The following CAMK1D variants were observed in gnomAD, a reference collection of about 807,000 sequenced individuals.
CAMK1D encodes calcium/calmodulin dependent protein kinase ID.
In CAMK1D, 9 loss-of-function variants were observed where a neutral mutation model predicts 47.7. The ratio of observed to expected loss-of-function variants is 0.19; its 90% CI spans 0.11 to 0.33. The LOEUF (loss-of-function observed/expected upper bound fraction) is 0.33. Ranked by LOEUF, CAMK1D falls within the 10% of genes least tolerant of loss-of-function variation. CAMK1D has a pLI of 1.00. For missense variants in CAMK1D, 291 were observed against 488.7 expected (o/e 0.60, Z 3.81); for synonymous variants, 184 against 184.9 (o/e 0.99, Z 0.04).
At chr10:12,728,145 G>C (rs1564520294) in intron 3 of CAMK1D, among the ~76,000 whole-genome samples, 5 of 152,214 alleles carry the variant, frequency 3.3e-5, no homozygotes, top group Admixed American at 3.3e-4. Context: ...CCATAGCACT[G>C]AGTTGCAATT....
intron 3 of CAMK1D, among the ~76,000 whole-genome samples, chr10:12,757,852 CTTTTTTTTTT>C (rs869125453): frequency 1.1e-5 from 1 of 91,458 alleles, no homozygotes; most frequent in Admixed American, 1.3e-4. Context: ...GGGCCCTGCT[CTTTTTTTTTT>C]TTTTTTTTTT....
intron 1 of CAMK1D, among the ~76,000 whole-genome samples, chr10:12,403,757 T>C (rs1404168489): frequency 6.6e-6 from 1 of 152,136 alleles, no homozygotes; most frequent in East Asian, 1.9e-4. Flanking sequence ...GTAACAACTA[T>C]ATTGTATAAT....
intron 1 of CAMK1D, among the ~76,000 whole-genome samples, chr10:12,366,355 A>G (rs1015444370): frequency 2.0e-5 from 3 of 152,116 alleles, no homozygotes; most frequent in Admixed American, 2.0e-4. Flanking sequence ...TAAAGAAGAC[A>G]GTAAGAATCA....
At chr10:12,756,165 A>G (rs1836218980) in intron 3 of CAMK1D, among the ~76,000 whole-genome samples, 1 of 152,222 alleles carries the variant, frequency 6.6e-6, no homozygotes, top group Non-Finnish European at 1.5e-5. Context: ...CTAGAATAGA[A>G]TGGATTATTG....
chr10:12,351,713 G>T (rs1275542965), intron 1 of CAMK1D, among the ~76,000 whole-genome samples: 1 of 152,218 alleles, frequency 6.6e-6, no homozygotes, highest in Admixed American at 6.5e-5. Context: ...ATGACTGTGG[G>T]TGGTTTCCAC....
chr10:12,494,960 T>C (rs1224787432), intron 1 of CAMK1D, among the ~76,000 whole-genome samples: 1 of 152,226 alleles, frequency 6.6e-6, no homozygotes, highest in Admixed American at 6.5e-5. Flanking sequence ...GATCTAGTGA[T>C]ACAGCTGATT....
intron 1 of CAMK1D, among the ~76,000 whole-genome samples, chr10:12,446,077 T>A (rs1564344617): frequency 1.3e-5 from 2 of 152,206 alleles, no homozygotes; most frequent in Admixed American, 6.5e-5. Flanking sequence ...CAATTATTAC[T>A]TCATCCTTCA....
At chr10:12,679,075 T>C (rs1307896802) in intron 3 of CAMK1D, among the ~76,000 whole-genome samples, 1 of 152,230 alleles carries the variant, frequency 6.6e-6, no homozygotes, top group Non-Finnish European at 1.5e-5. Flanking sequence ...AATTTTTGAC[T>C]TAAACATTTT....
chr10:12,350,950 C>A (rs180850120), intron 1 of CAMK1D, among the ~76,000 whole-genome samples: 51 of 152,086 alleles, frequency 3.4e-4, no homozygotes, highest in Non-Finnish European at 6.5e-4. Flanking sequence ...GGAGCTATTT[C>A]ATGGGATAAA....
chr10:12,355,053 G>A (rs576164010), intron 1 of CAMK1D, among the ~76,000 whole-genome samples: 135 of 151,682 alleles, frequency 8.9e-4, no homozygotes, highest in African/African-American at 3.1e-3. Context: ...GTGTTGCCCA[G>A]GCTGGTCTCA....
chr10:12,811,727 G>A (rs543206531), intron 6 of CAMK1D, among the ~76,000 whole-genome samples: 118 of 152,268 alleles, frequency 7.7e-4, no homozygotes, highest in African/African-American at 2.6e-3. Context: ...AAACACACAC[G>A]GTTGTAAATA....
intron 1 of CAMK1D, among the ~76,000 whole-genome samples, chr10:12,484,084 A>G (rs1834140971): frequency 6.6e-6 from 1 of 152,178 alleles, no homozygotes; most frequent in African/African-American, 2.4e-5. Context: ...CTGGACTCGT[A>G]GAAGGCAGGC....
At chr10:12,625,880 A>G (rs1359928666) in intron 2 of CAMK1D, among the ~76,000 whole-genome samples, 1 of 152,210 alleles carries the variant, frequency 6.6e-6, no homozygotes, top group Non-Finnish European at 1.5e-5. Flanking sequence ...GGCAAAAGCC[A>G]TGCACTTGTA....
At chr10:12,709,057 G>T (rs1052790024) in intron 3 of CAMK1D, among the ~76,000 whole-genome samples, 1 of 152,360 alleles carries the variant, frequency 6.6e-6, no homozygotes, top group South Asian at 2.1e-4. Context: ...TTTGGCAGAA[G>T]GTGGCTACCC....
At chr10:12,681,850 G>A (rs1339921587) in intron 3 of CAMK1D, among the ~76,000 whole-genome samples, 1 of 152,098 alleles carries the variant, frequency 6.6e-6, no homozygotes, top group Non-Finnish European at 1.5e-5. Flanking sequence ...AGTAATTATT[G>A]AAAACAAAAC....
intron 2 of CAMK1D, among the ~76,000 whole-genome samples, chr10:12,561,634 C>T (rs1452681820): frequency 1.3e-5 from 2 of 152,108 alleles, no homozygotes; most frequent in Non-Finnish European, 2.9e-5. Flanking sequence ...ATTTGGTGAT[C>T]GTTGTTTATT....
intron 6 of CAMK1D, among the ~76,000 whole-genome samples, chr10:12,805,431 C>T (rs554373276): frequency 2.0e-4 from 29 of 145,258 alleles, no homozygotes; most frequent in East Asian, 6.1e-4. Context: ...GAGTGCAGTG[C>T]GCGATCTCAG....
intron 1 of CAMK1D, among the ~76,000 whole-genome samples, chr10:12,506,849 G>GC (rs892534096): frequency 6.6e-6 from 1 of 152,138 alleles, no homozygotes; most frequent in Non-Finnish European, 1.5e-5. Flanking sequence ...AGCCCTTGGT[G>GC]CCCCCGAGCC....
chr10:12,719,837 C>G (rs1421704640), intron 3 of CAMK1D, among the ~76,000 whole-genome samples: 1 of 152,238 alleles, frequency 6.6e-6, no homozygotes, highest in Non-Finnish European at 1.5e-5. Flanking sequence ...AATAATTGCT[C>G]ATCGCATCCC....
Sources: gnomAD v4.1 joint callset for allele counts (sites outside exome capture counted in the v4.1 genomes callset) on GRCh38, gnomAD v4.1.1 for gene constraint, MANE v1.5 for transcripts, NCBI Gene and HGNC (gene_info 2026-07-23, HGNC 2026-07-21) for gene names.